Variants in GLIS3 observed in about 807,000 individuals in gnomAD.
The protein encoded by GLIS3 is zinc finger protein GLIS3.
In GLIS3, 53 loss-of-function variants were observed where a neutral mutation model predicts 78.6. The observed-to-expected ratio is 0.67, with a 90% CI of 0.54 to 0.85. The LOEUF is 0.85. GLIS3 is among the 40% of genes least tolerant of loss of function. The pLI is 0.00. For synonymous variants in GLIS3, 684 were observed against 509.9 expected, an observed-to-expected ratio of 1.34 and a Z score of -4.60; for missense variants, 1,703 against 1,231.1, an observed-to-expected ratio of 1.38 and a Z score of -5.74.
At chr9:4,159,757 T>C (rs900509218) in intron 2 of GLIS3, among the ~76,000 whole-genome samples, 1 of 151,550 alleles carries the variant, frequency 6.6e-6, no homozygotes, top group African/African-American at 2.4e-5. Flanking sequence ...AGAAAAGAGA[T>C]AATAAATCTG....
chr9:4,043,000 G>A (rs568398607), intron 4 of GLIS3, among the ~76,000 whole-genome samples: 6 of 151,152 alleles, frequency 4.0e-5, no homozygotes, highest in Non-Finnish European at 7.4e-5. Context: ...CCCAAGAGTG[G>A]CAATCTTGGA....
intron 2 of GLIS3, among the ~76,000 whole-genome samples, chr9:4,228,300 CA>C (rs1289166969): frequency 1.3e-5 from 2 of 151,276 alleles, no homozygotes; most frequent in African/African-American, 4.9e-5. Context: ...GACCTCTAGG[CA>C]CAACTGACAA....
At chr9:4,476,286 A>G in the GLIS3 span, among the ~76,000 whole-genome samples, 3 of 152,210 alleles carry the variant, frequency 2.0e-5, no homozygotes, top group Admixed American at 2.0e-4. Flanking sequence ...ATTTGATTAT[A>G]TATCTTTACT....
At chr9:4,191,077 T>G (rs952147731) in intron 2 of GLIS3, among the ~76,000 whole-genome samples, 2 of 151,118 alleles carry the variant, frequency 1.3e-5, no homozygotes, top group African/African-American at 4.9e-5. Flanking sequence ...CACTGCAAAA[T>G]CATGCCAAAA....
intron 2 of GLIS3, among the ~76,000 whole-genome samples, chr9:4,226,189 A>T (rs897459007): frequency 2.6e-5 from 4 of 152,154 alleles, no homozygotes; most frequent in African/African-American, 9.7e-5. Flanking sequence ...GGATACTCAA[A>T]TTAATTCTGC....
intron 6 of GLIS3, among the ~76,000 whole-genome samples, chr9:3,920,475 G>A (rs1438379242): frequency 3.9e-5 from 6 of 152,100 alleles, no homozygotes; most frequent in African/African-American, 1.4e-4. Context: ...GACGGGAGAT[G>A]GGGAAAATAT....
At chr9:4,206,166 C>T (rs149357905) in intron 2 of GLIS3, among the ~76,000 whole-genome samples, 3 of 152,088 alleles carry the variant, frequency 2.0e-5, no homozygotes, top group African/African-American at 2.4e-5. Context: ...AAATCTATAA[C>T]AGAACTATCT....
chr9:3,845,601 T>C (rs185737984), intron 9 of GLIS3, among the ~76,000 whole-genome samples: 16 of 152,342 alleles, frequency 1.1e-4, no homozygotes, highest in Admixed American at 7.8e-4. Context: ...ATGTAAGGAC[T>C]GTGCTAAAAG....
chr9:4,350,926 G>T (rs1417574300), upstream of GLIS3, among the ~76,000 whole-genome samples: 2 of 152,182 alleles, frequency 1.3e-5, no homozygotes, highest in Non-Finnish European at 2.9e-5. Context: ...AAATGAACAA[G>T]GGCTCTTTGA....
intron 4 of GLIS3, among the ~76,000 whole-genome samples, chr9:4,034,221 C>A (rs1262791206): frequency 6.6e-6 from 1 of 150,936 alleles, no homozygotes; most frequent in Non-Finnish European, 1.5e-5. Flanking sequence ...CACCTTGTCT[C>A]AAAAAAAAGT....
chr9:4,302,152 G>A (rs1412381657), upstream of GLIS3, among the ~76,000 whole-genome samples: 1 of 152,130 alleles, frequency 6.6e-6, no homozygotes, highest in Non-Finnish European at 1.5e-5. Flanking sequence ...GGGTGAGGGA[G>A]GGTGGTAATG....
chr9:4,478,958 G>A, the GLIS3 span, among the ~76,000 whole-genome samples: 3 of 152,140 alleles, frequency 2.0e-5, no homozygotes, highest in Non-Finnish European at 4.4e-5. Context: ...GGAAATATTG[G>A]GGATAGAGAA....
chr9:3,960,986 A>T (rs1458686733), intron 4 of GLIS3, among the ~76,000 whole-genome samples: 1 of 152,214 alleles, frequency 6.6e-6, no homozygotes, highest in Non-Finnish European at 1.5e-5. Context: ...GCCATAAAGA[A>T]TTGGGGAATT....
chr9:3,851,031 C>T (rs1456556777), intron 9 of GLIS3, among the ~76,000 whole-genome samples: 1 of 152,206 alleles, frequency 6.6e-6, no homozygotes, highest in Non-Finnish European at 1.5e-5. Flanking sequence ...TTCATGTTTG[C>T]ATTGCACATA....
intron 2 of GLIS3, among the ~76,000 whole-genome samples, chr9:4,184,284 G>C (rs1182545754): frequency 6.6e-6 from 1 of 152,166 alleles, no homozygotes; most frequent in Non-Finnish European, 1.5e-5. Context: ...TTGTGTCTTT[G>C]CATGAAGATA....
chr9:4,163,370 G>A (rs964532726), intron 2 of GLIS3, among the ~76,000 whole-genome samples: 1 of 152,260 alleles, frequency 6.6e-6, no homozygotes. Context: ...AAGAGCTGGA[G>A]GATACCTCAT....
At chr9:4,471,974 G>A in the GLIS3 span, among the ~76,000 whole-genome samples, 1 of 152,176 alleles carries the variant, frequency 6.6e-6, no homozygotes, top group Non-Finnish European at 1.5e-5. Context: ...TTCAAAAGAA[G>A]ACATTTATGC....
the GLIS3 span, among the ~76,000 whole-genome samples, chr9:4,453,492 C>G: frequency 6.6e-6 from 1 of 151,628 alleles, no homozygotes; most frequent in South Asian, 2.1e-4. Flanking sequence ...AAGAAAAAAA[C>G]AACCCCATCA....
At chr9:4,319,983 TTGTGTGTGTGTGTGTGTG>T (rs58794068) in intron 2 of GLIS3, among the ~76,000 whole-genome samples, 17,580 of 145,132 alleles carry the variant, frequency 0.12, 1,723 homozygotes, top group African/African-American at 0.27. Flanking sequence ...GTAGAGGGGG[TTGTGTGTGTGTGTGTGTG>T]TGTGTGTGTG....
Sources: allele counts gnomAD v4.1 joint callset (sites outside exome capture counted in the v4.1 genomes callset), GRCh38; gene constraint gnomAD v4.1.1; transcripts MANE v1.5; gene names NCBI Gene and HGNC (gene_info 2026-07-23, HGNC 2026-07-21).